Variants in SLC32A1 observed in about 807,000 individuals in gnomAD.
The protein encoded by SLC32A1 is solute carrier family 32 member 1.
Under a neutral mutation model 35.5 loss-of-function variants are expected in SLC32A1, and 8 were observed. That is an observed-to-expected ratio of 0.23 (90% confidence interval 0.13 to 0.41). The LOEUF (loss-of-function observed/expected upper bound fraction) is 0.41. SLC32A1 is among the 10% of genes least tolerant of loss of function. The pLI is 1.00. For synonymous variants in SLC32A1, 317 were observed against 326.3 expected, an observed-to-expected ratio of 0.97 and a Z score of 0.31; for missense variants, 493 against 722.3, an observed-to-expected ratio of 0.68 and a Z score of 3.64.
Position 38,728,417 on chromosome 20 carries a change from C to T in SLC32A1, c.1356C>T (p.His452=), listed in dbSNP as rs367904457. 1.4e-5 allele frequency: 23 copies of T among 1,610,690 alleles called. No individual in the cohort carries two copies. The African/African-American group carries it at 3.1e-4, about 21-fold the overall frequency. ...TGCTCATGGCCATTTATGTGCCGCA[C>T]TTCGCGCTGCTCATGGGCCTCACCG... The part of the protein sequence containing the change: ...FTLLMAIYVP[H]FALLMGLTGS... The change falls in exon 2 of 2, where the codon CAC becomes CAT. Residue 452 remains histidine (H), a synonymous_variant. Coordinates refer to ENST00000217420, the MANE Select transcript of SLC32A1 (RefSeq NM_080552.3).
intron 1 of SLC32A1, among the ~76,000 whole-genome samples, chr20:38,725,864 A>G (rs540821308): frequency 6.6e-6 from 1 of 152,266 alleles, no homozygotes; most frequent in African/African-American, 2.4e-5. Context: ...AAGCACACAC[A>G]TGCTCCCACA....
rs762148090 is a variant in SLC32A1, at chr20:38,725,109, A to G, written c.385A>G (p.Ile129Val). The stretch of plus-strand genomic sequence containing the variant: ...GGCAGGCTGGAACGTGACCAACGCC[A>G]TCCAGGTAAGCGCGGGATTCCCAGT... The part of the protein sequence containing the change: ...WEAGWNVTNA[I>V]QGMFVLGLPY... Residue 129 changes from isoleucine to valine, a missense_variant, in exon 1 of 2, where the codon ATC becomes GTC. Coordinates refer to ENST00000217420, the MANE Select transcript of SLC32A1 (RefSeq NM_080552.3). 1.3e-6 allele frequency: 2 copies of G among 1,509,572 alleles called. No homozygotes were observed. The highest frequency in any genetic ancestry group is 1.3e-5 in the South Asian group (1 of 74,640). The allele number at this position is 1,509,572 out of a possible 1,614,324, so 93.5% of individuals were successfully genotyped here. A position where few individuals can be genotyped will look rare whatever the true frequency, so the allele number is the denominator to read the frequency against.
chr20:38,725,063 G>A lies in SLC32A1; in HGVS notation c.339G>A (p.Lys113=). The A allele has an allele frequency of 6.6e-7, 1 of 1,521,288 alleles. No individual in the cohort carries two copies. Among genetic ancestry groups the A allele is most frequent in the Non-Finnish European group, 8.8e-7 (1 of 1,136,358 alleles). The allele number at this position is 1,521,288 out of a possible 1,614,324, so 94.2% of individuals were successfully genotyped here. ...GGGGEFGGHD[K]PKITAWEAGW... ...GTGGCGAATTCGGGGGCCACGACAA[G>A]CCCAAAATCACGGCGTGGGAGGCAG... The change falls in exon 1 of 2, where the codon AAG becomes AAA. Residue 113 remains lysine, a synonymous_variant. Coordinates refer to ENST00000217420, the MANE Select transcript of SLC32A1 (RefSeq NM_080552.3).
At chr20:38,725,932 G>A (rs1355507080) in intron 1 of SLC32A1, among the ~76,000 whole-genome samples, 1 of 152,082 alleles carries the variant, frequency 6.6e-6, no homozygotes, top group East Asian at 1.9e-4. Context: ...CGCCCCTCTC[G>A]CCCGAAATCC....
In SLC32A1 at chr20:38,726,515, G is replaced by C. The variant is rs112347804; in HGVS notation, c.391-937G>C. Among the ~76,000 whole-genome samples, 2,104 of 152,252 alleles carry C rather than the reference G, an allele frequency of 0.014. 25 individuals are homozygous for C. The highest frequency in any genetic ancestry group is 0.059 in the East Asian group (304 of 5,164). On this transcript the variant is annotated intron_variant, in intron 1 of 1. Coordinates refer to ENST00000217420, the MANE Select transcript of SLC32A1 (RefSeq NM_080552.3). The surrounding 1 kb of genome is among the most constrained non-coding windows in gnomAD (Gnocchi z 4.7). ...GAGGCTGGAGGCTCGTAGGCCTCCG[G>C]GACCCTGGATTTCGTTAGCTCTTAG... is the stretch of plus-strand genomic sequence containing the variant.
chr20:38,727,652 C>G lies in SLC32A1; in HGVS notation c.591C>G (p.Arg197=), dbSNP rs2084282417. The G allele has an allele frequency of 6.2e-7, 1 of 1,614,142 alleles. No homozygotes were observed. Among genetic ancestry groups the G allele is most frequent in the Non-Finnish European group, 8.5e-7 (1 of 1,180,050 alleles). The change falls in exon 2 of 2, where the codon CGC becomes CGG. Residue 197 remains arginine, a synonymous_variant. Coordinates refer to ENST00000217420, the MANE Select transcript of SLC32A1 (RefSeq NM_080552.3). ...TAGCCAACGCCTGCTGCGCCCCGCGCTTCCCAACGCTGGGCGGCCGAGTGG... is the reference window on the plus strand; with the variant it reads ...TAGCCAACGCCTGCTGCGCCCCGCGGTTCCCAACGCTGGGCGGCCGAGTGG... ...VAIANACCAP[R]FPTLGGRVVN...
chr20:38,725,626 G>A (rs1393365510), intron 1 of SLC32A1, among the ~76,000 whole-genome samples: 1 of 152,036 alleles, frequency 6.6e-6, no homozygotes, highest in African/African-American at 2.4e-5. Context: ...AAAGGCGCAG[G>A]CACAGGCGCA....
chr20:38,726,289 T>C lies in SLC32A1; in HGVS notation c.391-1163T>C, dbSNP rs1416660287. ...GGAGCAGAGGCCTCCCAGGGGTTGT[T>C]CCATGTATCGGGGTAAGCAGGACTC... On this transcript the variant is annotated intron_variant, in intron 1 of 1. Transcript: ENST00000217420. The surrounding 1 kb of genome is among the most constrained non-coding windows in gnomAD (Gnocchi z 4.7). Among the ~76,000 whole-genome samples the C allele has an allele frequency of 6.6e-6, 1 of 151,854 alleles. No individual in the cohort carries two copies. The highest frequency in any genetic ancestry group is 2.0e-4 in the East Asian group (1 of 5,118).
Position 38,728,915 on chromosome 20 carries a change from A to G in SLC32A1, c.*276A>G, listed in dbSNP as rs376549095. On this transcript the variant is annotated 3_prime_UTR_variant, in exon 2 of 2. Transcript: ENST00000217420. The stretch of plus-strand genomic sequence containing the variant: ...TGCGGGCAGGGTTCTCTGTCCTTCC[A>G]AGTGGGGCCCCGACACTTTGGTTCC... 6 of 422,072 alleles carry G rather than the reference A, an allele frequency of 1.4e-5. No individual in the cohort carries two copies. The East Asian group carries it at 1.6e-4, about 11-fold the overall frequency. 26.1% of individuals were successfully genotyped at this position (422,072 alleles called of 1,614,324 possible).
chr20:38,727,347 CT>C (rs2084280307), intron 1 of SLC32A1, 104 bp from the exon 2 acceptor site: 10 of 1,109,796 alleles, frequency 9.0e-6, no homozygotes, highest in Non-Finnish European at 1.3e-5. Context: ...TCTCAGTGTC[CT>C]TAGCGCCCCC....
At chr20:38,725,907 A>G (rs1363588288) in intron 1 of SLC32A1, among the ~76,000 whole-genome samples, 1 of 152,156 alleles carries the variant, frequency 6.6e-6, no homozygotes, top group Non-Finnish European at 1.5e-5. Context: ...ATCCAGCATT[A>G]CCTGTGCACA....
In SLC32A1 at chr20:38,728,953, G is replaced by A. The variant is rs553084002; in HGVS notation, c.*314G>A. 3.5e-4 allele frequency: 117 copies of A among 335,668 alleles called. 2 individuals are homozygous for A. In the South Asian group the frequency reaches 8.0e-3, roughly 23 times the overall value. 20.8% of individuals were successfully genotyped at this position (335,668 alleles called of 1,614,324 possible). Reference sequence around the variant, plus strand: ...ACACTTTGGTTCCAGTCATCGAGGGGGTTGGGAAGGGAGGGAGAGGGGGCG... The same window carrying A: ...ACACTTTGGTTCCAGTCATCGAGGGAGTTGGGAAGGGAGGGAGAGGGGGCG... On this transcript the variant is annotated 3_prime_UTR_variant, in exon 2 of 2. Transcript: ENST00000217420.
rs1358826567 is a variant in SLC32A1, at chr20:38,728,331, G to A, written c.1270G>A (p.Gly424Ser). The change falls in exon 2 of 2, where the codon GGC becomes AGC. Residue 424 changes from glycine (G) to serine (S), a missense_variant. By Grantham distance (56) the Gly-to-Ser change is moderately conservative. Transcript: ENST00000217420. ...CGCCTTTTTCCCGGCCTGCTACAGC[G>A]GCGACGGGCGCCTGAAGTCCTGGGG... Reference protein sequence around the residue: ...SRAFFPACYSGDGRLKSWGLT... With the variant: ...SRAFFPACYSSDGRLKSWGLT... 2 of 1,613,260 alleles carry A rather than the reference G, an allele frequency of 1.2e-6. No homozygotes were observed. Among genetic ancestry groups the A allele is most frequent in the South Asian group, 1.1e-5 (1 of 91,058 alleles).
rs2084277513 is a variant in SLC32A1, at chr20:38,726,712, G to A, written c.391-740G>A. 1.3e-5 allele frequency among the ~76,000 whole-genome samples: 2 copies of A among 151,932 alleles called. No individual in the cohort carries two copies. The highest frequency in any genetic ancestry group is 4.8e-5 in the African/African-American group (2 of 41,344). On this transcript the variant is annotated intron_variant, in intron 1 of 1. Transcript: ENST00000217420. The surrounding 1 kb of genome is among the most constrained non-coding windows in gnomAD (Gnocchi z 4.7). ...GTCCCCTTCCTTAGGTCTCGCCCTCGCCTCACTCTAACTCCAGCCTTGTCC... is the reference window on the plus strand; with the variant it reads ...GTCCCCTTCCTTAGGTCTCGCCCTCACCTCACTCTAACTCCAGCCTTGTCC...
At position 38,727,611 on chromosome 20, in the gene SLC32A1, G is replaced by A. The variant is rs1313408853; in HGVS notation, c.550G>A (p.Asp184Asn). ...NEDGEVVRVR[D>N]SYVAIANACC... Reference sequence around the variant, plus strand: ...AGACGGCGAGGTGGTGCGCGTGCGGGACTCGTACGTGGCCATAGCCAACGC... The same window carrying A: ...AGACGGCGAGGTGGTGCGCGTGCGGAACTCGTACGTGGCCATAGCCAACGC... The change falls in exon 2 of 2, where the codon GAC (aspartate) becomes AAC (asparagine). Residue 184 changes from aspartate (D) to asparagine (N), a missense_variant. Coordinates refer to ENST00000217420, the MANE Select transcript of SLC32A1 (RefSeq NM_080552.3). The A allele has an allele frequency of 1.2e-6, 2 of 1,613,154 alleles. No homozygotes were observed. The highest frequency in any genetic ancestry group is 1.7e-6 in the Non-Finnish European group (2 of 1,180,044).
chr20:38,728,188 G>T lies in SLC32A1; in HGVS notation c.1127G>T (p.Gly376Val). The T allele has an allele frequency of 1.9e-6, 3 of 1,614,102 alleles. No individual in the cohort carries two copies. ...GAGGTCATCACGGATAACCTGCCCG[G>T]CTCCATCCGCGCCGTGGTCAACATC... ...TKEVITDNLP[G>V]SIRAVVNIFL... The change falls in exon 2 of 2, where the codon GGC becomes GTC. Residue 376 changes from glycine (G) to valine (V), a missense_variant. Coordinates refer to ENST00000217420, the MANE Select transcript of SLC32A1 (RefSeq NM_080552.3).
chr20:38,728,525 C>T lies in SLC32A1; in HGVS notation c.1464C>T (p.His488=), dbSNP rs1021592969. 1.2e-6 allele frequency: 2 copies of T among 1,613,608 alleles called. No individual in the cohort carries two copies. Among genetic ancestry groups the T allele is most frequent in the Non-Finnish European group, 1.7e-6 (2 of 1,179,972 alleles). Residue 488 remains histidine, a synonymous_variant, in exon 2 of 2, where the codon CAC becomes CAT. Transcript: ENST00000217420. ...TGCTCTGGCGCAAGCTGCTGTGGCA[C>T]CAAGTCTTCTTCGACGTCGCCATCT... is the stretch of plus-strand genomic sequence containing the variant. The part of the protein sequence containing the change: ...LRLLWRKLLW[H]QVFFDVAIFV...
chr20:38,725,273 A>G (rs748520414), intron 1 of SLC32A1, among the ~76,000 whole-genome samples, 159 bp downstream of exon 1: 1 of 151,872 alleles, frequency 6.6e-6, no homozygotes, highest in South Asian at 2.1e-4. Flanking sequence ...GCGGGGACCT[A>G]CGCCCCCAGG....
Position 38,728,558 on chromosome 20 carries a change from C to T in SLC32A1, c.1497C>T (p.Ile499=). ...TCTTCGACGTCGCCATCTTCGTCATCGGCGGCATCTGCAGCGTGTCCGGCT... is the reference window on the plus strand; with the variant it reads ...TCTTCGACGTCGCCATCTTCGTCATTGGCGGCATCTGCAGCGTGTCCGGCT... ...QVFFDVAIFV[I]GGICSVSGFV... Residue 499 remains isoleucine (I), a synonymous_variant, in exon 2 of 2, where the codon ATC becomes ATT. Transcript: ENST00000217420. 26 of 1,613,306 alleles carry T rather than the reference C, an allele frequency of 1.6e-5. No individual in the cohort carries two copies. Among genetic ancestry groups the T allele is most frequent in the Non-Finnish European group, 2.2e-5 (26 of 1,179,920 alleles).
Sources: allele counts gnomAD v4.1 joint callset (sites outside exome capture counted in the v4.1 genomes callset), GRCh38; gene constraint gnomAD v4.1.1; non-coding constraint Gnocchi (gnomAD v3.1); transcripts MANE v1.5; gene names NCBI Gene and HGNC (gene_info 2026-07-23, HGNC 2026-07-21).